The following EIF2AK2 variants were observed in gnomAD, a reference collection of about 807,000 sequenced individuals.
The protein encoded by EIF2AK2 is eukaryotic translation initiation factor 2 alpha kinase 2.
A neutral mutation model predicts 70.5 loss-of-function variants in EIF2AK2; 40 were observed. The ratio of observed to expected loss-of-function variants is 0.57; its 90% CI spans 0.44 to 0.74. The LOEUF is 0.74. EIF2AK2 is among the 30% of genes least tolerant of loss of function. EIF2AK2 has a pLI of 0.00. For missense variants in EIF2AK2, 555 were observed against 644.3 expected, an observed-to-expected ratio of 0.86 and a Z score of 1.50; for synonymous variants, 198 against 220.9, an observed-to-expected ratio of 0.90 and a Z score of 0.92.
chr2:37,147,011 C>T, intron 3 of EIF2AK2, 38 bp from the exon 4 acceptor site: 1 of 1,575,486 alleles, frequency 6.3e-7, no homozygotes, highest in Non-Finnish European at 8.6e-7. Context: ...TATTATACAA[C>T]TCATGCACTA....
chr2:37,109,406 T>C (rs1674070078), intron 14 of EIF2AK2, 111 bp from the exon 15 acceptor site: 1 of 860,120 alleles, frequency 1.2e-6, no homozygotes, highest in Non-Finnish European at 1.8e-6. Context: ...CAAAACAATG[T>C]CTATTTATTA....
intron 1 of EIF2AK2, among the ~76,000 whole-genome samples, chr2:37,151,159 A>G (rs1048575726): frequency 2.6e-5 from 4 of 152,216 alleles, no homozygotes; most frequent in Non-Finnish European, 5.9e-5. Flanking sequence ...AAATAAAATG[A>G]CAATCTACAG....
At chr2:37,156,669 CA>C (rs1675939993) in intron 1 of EIF2AK2, among the ~76,000 whole-genome samples, 1 of 152,238 alleles carries the variant, frequency 6.6e-6, no homozygotes, top group Non-Finnish European at 1.5e-5. Flanking sequence ...TTTCAGTCCC[CA>C]CCCCGCTCCA....
intron 2 of EIF2AK2, among the ~76,000 whole-genome samples, 163 bp from the exon 3 acceptor site, chr2:37,147,985 T>G (rs1294341801): frequency 6.6e-6 from 1 of 152,230 alleles, no homozygotes. Context: ...CCGTTCTTTC[T>G]TTCTCATTCA....
chr2:37,140,724 A>G (rs1675300019), intron 5 of EIF2AK2, among the ~76,000 whole-genome samples: 1 of 152,210 alleles, frequency 6.6e-6, no homozygotes, highest in South Asian at 2.1e-4. Flanking sequence ...TGACTCACAG[A>G]TTCACTTTTG....
chr2:37,117,679 A>T, intron 13 of EIF2AK2, among the ~76,000 whole-genome samples: 1 of 152,252 alleles, frequency 6.6e-6, no homozygotes, highest in Non-Finnish European at 1.5e-5. Context: ...GCTCAGGCTG[A>T]GGATGACCAG....
intron 16 of EIF2AK2, 35 bp downstream of exon 16, chr2:37,107,439 A>G (rs1463789373): frequency 6.2e-7 from 1 of 1,609,842 alleles, no homozygotes; most frequent in South Asian, 1.1e-5. Flanking sequence ...AAAACATTGA[A>G]ATAAATAAAA....
In EIF2AK2 at chr2:37,147,745, T is replaced by C. The variant is rs1279805124; in HGVS notation, c.62A>G (p.Gln21Arg). The C allele has an allele frequency of 1.9e-6, 3 of 1,613,606 alleles. No homozygotes were observed. Among genetic ancestry groups the C allele is most frequent in the Non-Finnish European group, 2.5e-6 (3 of 1,179,778 alleles). The change falls in exon 3 of 17, where the codon CAG becomes CGG. Residue 21 changes from glutamine (Q) to arginine (R), a missense_variant. By Grantham distance (43) the Gln-to-Arg change is conservative. Around this residue, in one of 3 missense-constraint regions of EIF2AK2, gnomAD observed 48 missense variants for 77.1 expected, o/e 0.62. Transcript: ENST00000233057. ...MEELNTYRQK[Q>R]GVVLKYQELP... Reference sequence around the variant, plus strand: ...TTCTTGATATTTAAGTACTACTCCCTGCTTCTGACGGTATGTATTAAGTTC... The same window carrying C: ...TTCTTGATATTTAAGTACTACTCCCCGCTTCTGACGGTATGTATTAAGTTC...
At chr2:37,129,459 A>C (rs1310902424) in intron 10 of EIF2AK2, among the ~76,000 whole-genome samples, 1 of 152,194 alleles carries the variant, frequency 6.6e-6, no homozygotes, top group African/African-American at 2.4e-5. Context: ...CAAACATTAC[A>C]GGAGGAAATC....
At position 37,105,980 on chromosome 2, in the gene EIF2AK2, T is replaced by C. The variant is rs546920710; in HGVS notation, c.*1293A>G. Reference sequence around the variant, plus strand: ...GTTGTCTTTAAAGTGGTTGTTACAATAGATACAAAATGTATTTAAGATAAA... The same window carrying C: ...GTTGTCTTTAAAGTGGTTGTTACAACAGATACAAAATGTATTTAAGATAAA... On this transcript the variant is annotated 3_prime_UTR_variant, in exon 17 of 17. Transcript: ENST00000233057. 2.6e-5 allele frequency: 4 copies of C among 152,324 alleles called. No individual in the cohort carries two copies. The highest frequency in any genetic ancestry group is 6.5e-5 in the Admixed American group (1 of 15,296). The allele number at this position is 152,324 out of a possible 1,614,324, so 9.4% of individuals were successfully genotyped here. A position where few individuals can be genotyped will look rare whatever the true frequency, so the allele number is the denominator to read the frequency against.
chr2:37,138,243 T>C (rs1675196961), intron 8 of EIF2AK2, 27 bp downstream of exon 8: 11 of 1,525,874 alleles, frequency 7.2e-6, no homozygotes, highest in Non-Finnish European at 9.0e-6. Context: ...TAAGATTAAG[T>C]AGGAAGCTTC....
At chr2:37,114,693 A>G (rs752816543) in intron 14 of EIF2AK2, 38 bp downstream of exon 14, 72 of 1,472,008 alleles carry the variant, frequency 4.9e-5, no homozygotes, top group South Asian at 1.2e-4. Context: ...TTCAAAATAA[A>G]AGAAGTAAAA....
Position 37,106,410 on chromosome 2 carries a change from A to G in EIF2AK2, c.*863T>C, listed in dbSNP as rs1673964976. On this transcript the variant is annotated 3_prime_UTR_variant, in exon 17 of 17. Transcript: ENST00000233057. The stretch of plus-strand genomic sequence containing the variant: ...TTAATCCATTCTTCTTTTGATGTGC[A>G]TTATGGTTGTTCCCTGTTCTTTTGG... 1 of 151,918 alleles carries G rather than the reference A, an allele frequency of 6.6e-6. No individual in the cohort carries two copies. Among genetic ancestry groups the G allele is most frequent in the African/African-American group, 2.4e-5 (1 of 41,320 alleles). The allele number at this position is 151,918 out of a possible 1,614,324, so 9.4% of individuals were successfully genotyped here. A position where few individuals can be genotyped will look rare whatever the true frequency, so the allele number is the denominator to read the frequency against.
intron 5 of EIF2AK2, among the ~76,000 whole-genome samples, chr2:37,140,604 C>G (rs923397323): frequency 9.4e-4 from 143 of 151,594 alleles, no homozygotes; most frequent in Non-Finnish European, 1.7e-3. Flanking sequence ...GATACTGCCC[C>G]CCCCCGCAAA....
chr2:37,130,123 T>C (rs1674888554), intron 10 of EIF2AK2, among the ~76,000 whole-genome samples: 1 of 152,136 alleles, frequency 6.6e-6, no homozygotes, highest in Admixed American at 6.6e-5. Flanking sequence ...TTTTTTGAGA[T>C]GGAGTCTTGC....
At chr2:37,123,603 T>G (rs1293932260) in intron 11 of EIF2AK2, among the ~76,000 whole-genome samples, 1 of 152,134 alleles carries the variant, frequency 6.6e-6, no homozygotes. Flanking sequence ...TACATTATGT[T>G]TTGCTTAGAT....
chr2:37,112,536 G>A (rs1444000729), intron 14 of EIF2AK2, among the ~76,000 whole-genome samples: 1 of 152,216 alleles, frequency 6.6e-6, no homozygotes, highest in Non-Finnish European at 1.5e-5. Context: ...ATTTGGAATT[G>A]TAAATGTGAA....
intron 1 of EIF2AK2, among the ~76,000 whole-genome samples, chr2:37,154,117 G>A (rs964685469): frequency 1.1e-4 from 17 of 152,056 alleles, no homozygotes; most frequent in East Asian, 7.8e-4. Flanking sequence ...ACCTGAGGTC[G>A]GGACTTCAAG....
intron 15 of EIF2AK2, among the ~76,000 whole-genome samples, chr2:37,108,772 G>A (rs771531907): frequency 1.4e-4 from 22 of 152,184 alleles, no homozygotes; most frequent in Non-Finnish European, 2.5e-4. Flanking sequence ...ATTTCACCAC[G>A]TTGGCCAGGC....
Sources: allele counts gnomAD v4.1 joint callset (sites outside exome capture counted in the v4.1 genomes callset), GRCh38; gene constraint gnomAD v4.1.1; regional missense constraint gnomAD v4.1.1; transcripts MANE v1.5; gene names NCBI Gene and HGNC (gene_info 2026-07-23, HGNC 2026-07-21).